ITCH: variants seen among roughly 807,000 people sequenced by gnomAD.
ITCH encodes the protein E3 ubiquitin-protein ligase Itchy homolog.
In ITCH, 28 loss-of-function variants were observed where a neutral mutation model predicts 126.8. That is an observed-to-expected ratio of 0.22 (90% CI 0.16 to 0.30). ITCH has a LOEUF of 0.30. ITCH is among the 10% of genes least tolerant of loss of function. The pLI is 1.00. For synonymous variants in ITCH, 342 were observed against 340.0 expected, an observed-to-expected ratio of 1.01 and a Z score of -0.06; for missense variants, 631 against 1,032.4, an observed-to-expected ratio of 0.61 and a Z score of 5.33.
intron 2 of ITCH, among the ~76,000 whole-genome samples, chr20:34,371,008 A>C (rs1402327800): frequency 6.6e-6 from 1 of 151,718 alleles, no homozygotes; most frequent in East Asian, 2.0e-4. Context: ...CTCTACTAAA[A>C]GTACAAAAAA....
chr20:34,497,150 C>T (rs1989942434), intron 23 of ITCH, among the ~76,000 whole-genome samples: 1 of 152,004 alleles, frequency 6.6e-6, no homozygotes, highest in Non-Finnish European at 1.5e-5. Context: ...GCACGCACCA[C>T]CACACCTGGC....
At chr20:34,408,563 G>A (rs1044120749) in intron 3 of ITCH, 88 bp from the exon 4 acceptor site, 2 of 1,256,222 alleles carry the variant, frequency 1.6e-6, no homozygotes, top group Non-Finnish European at 2.3e-6. Context: ...AGTAAATTTA[G>A]TAAATCTGCC....
chr20:34,492,016 G>C (rs1989551329), intron 22 of ITCH, among the ~76,000 whole-genome samples: 1 of 152,132 alleles, frequency 6.6e-6, no homozygotes, highest in Non-Finnish European at 1.5e-5. Context: ...TGGTGGGATG[G>C]GGAGTCACAG....
intron 23 of ITCH, among the ~76,000 whole-genome samples, chr20:34,495,304 T>C (rs908598647): frequency 2.9e-5 from 4 of 138,144 alleles, no homozygotes; most frequent in African/African-American, 1.1e-4. Flanking sequence ...AATATATATA[T>C]ATATATATAT....
chr20:34,445,385 A>T lies in ITCH; in HGVS notation c.1064A>T (p.Asn355Ile). Residue 355 changes from asparagine to isoleucine, a missense_variant, in exon 11 of 25, where the codon AAC becomes ATC. Around this residue, in one of 4 missense-constraint regions of ITCH, gnomAD observed 390 missense variants for 731.6 expected, o/e 0.53. Coordinates refer to ENST00000374864, the MANE Select transcript of ITCH (RefSeq NM_031483.7). ...AGGCCAACACTGGAATCCGTCCGGA[A>T]CTATGAACAATGGCAGCTACAGCGT... ...WQRPTLESVR[N>I]YEQWQLQRSQ... 3 of 1,614,126 alleles carry T rather than the reference A, an allele frequency of 1.9e-6. No homozygotes were observed. In the South Asian group the frequency reaches 3.3e-5, roughly 18 times the overall value.
intron 10 of ITCH, 127 bp downstream of exon 10, chr20:34,442,430 G>A: frequency 1.4e-6 from 1 of 716,722 alleles, no homozygotes; most frequent in Non-Finnish European, 2.4e-6. Flanking sequence ...TTTGTTTTGT[G>A]GTAAGTACAA....
chr20:34,462,820 C>T (rs1410848131), intron 14 of ITCH, among the ~76,000 whole-genome samples: 2 of 152,154 alleles, frequency 1.3e-5, no homozygotes, highest in Non-Finnish European at 2.9e-5. Flanking sequence ...ATGAATTTGA[C>T]TAGTCGAAGT....
chr20:34,414,062 G>T (rs925119643), intron 6 of ITCH, among the ~76,000 whole-genome samples, 183 bp downstream of exon 6: 1 of 150,272 alleles, frequency 6.7e-6, no homozygotes, highest in Non-Finnish European at 1.5e-5. Context: ...AAGATTGCTT[G>T]AGCTTGGAGG....
intron 12 of ITCH, 87 bp from the exon 13 acceptor site, chr20:34,457,303 A>C (rs1448157875): frequency 1.1e-6 from 1 of 885,614 alleles, no homozygotes; most frequent in African/African-American, 1.6e-5. Context: ...AGAAATGGGC[A>C]AATTCAAATA....
intron 1 of ITCH, among the ~76,000 whole-genome samples, chr20:34,368,274 GA>G (rs55954722): frequency 0.57 from 81,399 of 142,748 alleles, 22,794 homozygotes; most frequent in African/African-American, 0.67. Context: ...TGTCTCAAAA[GA>G]AAAAAAAAAA....
chr20:34,507,268 T>G (rs1439946859), intron 24 of ITCH, among the ~76,000 whole-genome samples: 7 of 68,020 alleles, frequency 1.0e-4, no homozygotes, highest in African/African-American at 4.6e-5. Flanking sequence ...CTTCTGTTTT[T>G]TTTTTTTTTT....
chr20:34,385,207 G>T (rs1413427902), intron 2 of ITCH, among the ~76,000 whole-genome samples: 13 of 141,612 alleles, frequency 9.2e-5, no homozygotes, highest in African/African-American at 3.5e-4. Flanking sequence ...GTGTGTGTGT[G>T]TGTGTGTGTG....
At chr20:34,469,715 A>G (rs1461995251) in intron 14 of ITCH, among the ~76,000 whole-genome samples, 1 of 152,044 alleles carries the variant, frequency 6.6e-6, no homozygotes, top group Non-Finnish European at 1.5e-5. Context: ...CAAGGGTTTT[A>G]CTTAAAGATA....
Position 34,442,995 on chromosome 20 carries a change from C to T in ITCH, c.965+692C>T, listed in dbSNP as rs1983962320. Among the ~76,000 whole-genome samples, 3 of 150,960 alleles carry T rather than the reference C, an allele frequency of 2.0e-5. No individual in the cohort carries two copies. In the South Asian group the frequency reaches 6.3e-4, roughly 32 times the overall value. ...TGTCTCAAAAAAAAAAAAAAAATTT[C>T]CTTAACTTTTCTTGTCTAAGCTGTT... On this transcript the variant is annotated intron_variant, in intron 10 of 24. Coordinates refer to ENST00000374864, the MANE Select transcript of ITCH (RefSeq NM_031483.7).
chr20:34,491,463 G>A (rs1475617862), intron 22 of ITCH, among the ~76,000 whole-genome samples: 1 of 152,118 alleles, frequency 6.6e-6, no homozygotes, highest in Non-Finnish European at 1.5e-5. Flanking sequence ...GAAAAAGTTG[G>A]AAATAGTGGC....
chr20:34,493,817 G>A (rs1018384627), intron 23 of ITCH, among the ~76,000 whole-genome samples: 2 of 152,190 alleles, frequency 1.3e-5, no homozygotes, highest in Admixed American at 6.5e-5. Flanking sequence ...AGAAGAAGTT[G>A]AATCATCAGA....
At chr20:34,405,923 T>C (rs375311086) in intron 3 of ITCH, among the ~76,000 whole-genome samples, 1 of 152,006 alleles carries the variant, frequency 6.6e-6, no homozygotes, top group African/African-American at 2.4e-5. Flanking sequence ...TACATTTTAA[T>C]CAGAGATAGC....
At chr20:34,364,704 C>A (rs1451862081) in intron 1 of ITCH, among the ~76,000 whole-genome samples, 1 of 93,104 alleles carries the variant, frequency 1.1e-5, no homozygotes, top group African/African-American at 5.0e-5. Flanking sequence ...CATGGTGAAA[C>A]CCCGTCTCTA....
rs6059788 is a variant in ITCH at position 34,370,466 on chromosome 20, C to G, written c.-22+996C>G. 4.6e-3 allele frequency among the ~76,000 whole-genome samples: 706 copies of G among 152,060 alleles called. 15 individuals carry two copies. The highest frequency in any genetic ancestry group is 0.016 in the African/African-American group (646 of 41,484). On this transcript the variant is annotated intron_variant, in intron 2 of 24. Coordinates refer to ENST00000374864, the MANE Select transcript of ITCH (RefSeq NM_031483.7). ...ATCACTTGAGGTCAGGAGTTTGAAA[C>G]CAGTCTGGTCAACATGGTGAAACTC...
Sources: allele counts gnomAD v4.1 joint callset (sites outside exome capture counted in the v4.1 genomes callset), GRCh38; gene constraint gnomAD v4.1.1; regional missense constraint gnomAD v4.1.1; transcripts MANE v1.5; gene names NCBI Gene and HGNC (gene_info 2026-07-23, HGNC 2026-07-21).